UMAD1: variants seen among roughly 807,000 people sequenced by gnomAD.
The protein encoded by UMAD1 is UBAP1-MVB12-associated (UMA)-domain containing protein 1.
In UMAD1, 8 loss-of-function variants were observed where a neutral mutation model predicts 6.1. That is an observed-to-expected ratio of 1.30 (90% CI 0.76 to 2.35). The LOEUF (loss-of-function observed/expected upper bound fraction) is 2.35, where lower values mean the gene tolerates loss of function less well. Ranked by LOEUF, UMAD1 falls within the 30% of genes most tolerant of loss-of-function variation. UMAD1 has a pLI of 0.00. For missense variants in UMAD1, 130 were observed against 78.4 expected, an observed-to-expected ratio of 1.66 and a Z score of -2.49; for synonymous variants, 56 against 31.4, an observed-to-expected ratio of 1.78 and a Z score of -2.61.
At chr7:7,867,454 A>G (rs566028409) in intron 3 of UMAD1, among the ~76,000 whole-genome samples, 56 of 152,330 alleles carry the variant, frequency 3.7e-4, no homozygotes, top group Non-Finnish European at 7.6e-4. Flanking sequence ...ATAGACAAAA[A>G]GAATAAGCAG....
chr7:7,680,943 T>C (rs1260385833), intron 2 of UMAD1, among the ~76,000 whole-genome samples: 3 of 152,182 alleles, frequency 2.0e-5, no homozygotes, highest in Non-Finnish European at 4.4e-5. Context: ...GTTTTTTTAG[T>C]TGCATACACA....
chr7:7,833,947 A>G (rs1171706112), intron 3 of UMAD1, among the ~76,000 whole-genome samples: 1 of 150,976 alleles, frequency 6.6e-6, no homozygotes, highest in African/African-American at 2.4e-5. Context: ...TGGGTAACCT[A>G]TCATGTCATC....
At chr7:7,658,990 A>T (rs1785410649) in intron 1 of UMAD1, among the ~76,000 whole-genome samples, 1 of 152,092 alleles carries the variant, frequency 6.6e-6, no homozygotes, top group African/African-American at 2.4e-5. Context: ...AGAACTTGTT[A>T]TTGGTCTATT....
In UMAD1 at chr7:7,758,559, A is replaced by G. The variant is rs372843763; in HGVS notation, c.83-43111A>G. Among the ~76,000 whole-genome samples, 5 of 152,098 alleles carry G rather than the reference A, an allele frequency of 3.3e-5. 1 individual carries two copies. In the East Asian group the frequency reaches 7.7e-4, roughly 23 times the overall value. ...AGCTGCCTCTGCACCTTCAGCCTCC[A>G]TTGAAGAAGCCATTCATTCCCATGC... is the stretch of plus-strand genomic sequence containing the variant. On this transcript the variant is annotated intron_variant, in intron 2 of 3. Coordinates refer to ENST00000682710, the MANE Select transcript of UMAD1 (RefSeq NM_001302348.2).
At chr7:7,742,309 C>T (rs1040510030) in intron 2 of UMAD1, 11 of 634,664 alleles carry the variant, frequency 1.7e-5, no homozygotes, top group Non-Finnish European at 3.3e-5. Flanking sequence ...ACTCAGTGGT[C>T]AGCGGAAATT....
chr7:7,748,249 GTT>G (rs1781612818), intron 2 of UMAD1, among the ~76,000 whole-genome samples: 1 of 151,654 alleles, frequency 6.6e-6, no homozygotes, highest in South Asian at 2.1e-4. Flanking sequence ...CGGCCTATAT[GTT>G]TTATTTTATA....
At chr7:7,839,388 A>G (rs1429023214) in intron 3 of UMAD1, among the ~76,000 whole-genome samples, 1 of 152,192 alleles carries the variant, frequency 6.6e-6, no homozygotes, top group African/African-American at 2.4e-5. Flanking sequence ...TTTAAAAAAA[A>G]ATTATTTGTA....
intron 2 of UMAD1, among the ~76,000 whole-genome samples, 159 bp downstream of exon 2, chr7:7,673,612 C>T (rs1260750507): frequency 1.3e-5 from 2 of 152,064 alleles, no homozygotes; most frequent in Non-Finnish European, 2.9e-5. Context: ...TGAAAGTCAT[C>T]AATTACTTGG....
chr7:7,679,729 T>TAC (rs1175127328), intron 2 of UMAD1, among the ~76,000 whole-genome samples: 47 of 143,018 alleles, frequency 3.3e-4, no homozygotes, highest in Non-Finnish European at 4.8e-4. Flanking sequence ...TATATATATA[T>TAC]ATACACACAC....
chr7:7,856,664 C>T (rs751077950), intron 3 of UMAD1, among the ~76,000 whole-genome samples: 1 of 152,000 alleles, frequency 6.6e-6, no homozygotes, highest in Non-Finnish European at 1.5e-5. Flanking sequence ...TTGAGTTGAC[C>T]GTATGAGATG....
intron 2 of UMAD1, among the ~76,000 whole-genome samples, chr7:7,739,796 G>A (rs1051428223): frequency 2.0e-5 from 3 of 152,226 alleles, no homozygotes; most frequent in African/African-American, 7.2e-5. Context: ...ACAGATTCAT[G>A]AAGAGTAGAA....
chr7:7,780,828 A>C (rs13230742), intron 2 of UMAD1, among the ~76,000 whole-genome samples: 79,078 of 152,026 alleles, frequency 0.52, 20,649 homozygotes, highest in African/African-American at 0.58. Context: ...ATATGATATT[A>C]TATTGTGTGT....
Position 7,726,397 on chromosome 7 carries a change from A to T in UMAD1, c.82+52944A>T, listed in dbSNP as rs528681410. On this transcript the variant is annotated intron_variant, in intron 2 of 3. Coordinates refer to ENST00000682710, the MANE Select transcript of UMAD1 (RefSeq NM_001302348.2). ...CACTGGTCTTACCATGTTCCCCATC[A>T]TCCTGAAGTAGCTGGATTGATAGAA... Among the ~76,000 whole-genome samples the T allele has an allele frequency of 3.3e-5, 5 of 152,362 alleles. No individual in the cohort carries two copies. In the East Asian group the frequency reaches 9.6e-4, roughly 29 times the overall value.
intron 3 of UMAD1, among the ~76,000 whole-genome samples, chr7:7,833,858 A>C (rs994440068): frequency 6.6e-6 from 1 of 152,102 alleles, no homozygotes; most frequent in Non-Finnish European, 1.5e-5. Flanking sequence ...CCAGAGAGGA[A>C]CAGTATTCTC....
intron 1 of UMAD1, among the ~76,000 whole-genome samples, chr7:7,649,176 A>G (rs950896512): frequency 5.5e-5 from 1 of 18,184 alleles, no homozygotes; most frequent in Non-Finnish European, 9.0e-5. Context: ...AAAAAAAAAA[A>G]AAAGAAAAGA....
intron 2 of UMAD1, among the ~76,000 whole-genome samples, chr7:7,793,660 C>T (rs905820974): frequency 6.6e-6 from 1 of 152,004 alleles, no homozygotes; most frequent in Non-Finnish European, 1.5e-5. Flanking sequence ...TGCTAGTCTG[C>T]CCCAAATGCA....
intron 3 of UMAD1, among the ~76,000 whole-genome samples, chr7:7,876,442 G>A (rs925989293): frequency 6.6e-6 from 1 of 152,144 alleles, no homozygotes; most frequent in African/African-American, 2.4e-5. Flanking sequence ...TTTTTGCCCA[G>A]GCTGGTTTGA....
chr7:7,865,680 C>T (rs1413368581), intron 3 of UMAD1, among the ~76,000 whole-genome samples: 4 of 152,204 alleles, frequency 2.6e-5, no homozygotes, highest in Admixed American at 6.5e-5. Flanking sequence ...GTCCTGCCAC[C>T]CTGTTGCTGT....
chr7:7,846,104 T>C (rs1390819093), intron 3 of UMAD1, among the ~76,000 whole-genome samples: 1 of 152,186 alleles, frequency 6.6e-6, no homozygotes, highest in African/African-American at 2.4e-5. Context: ...ATGTATGAAC[T>C]GTGACCTTGG....
Sources: allele counts gnomAD v4.1 joint callset (sites outside exome capture counted in the v4.1 genomes callset), GRCh38; gene constraint gnomAD v4.1.1; transcripts MANE v1.5; gene names NCBI Gene and HGNC (gene_info 2026-07-23, HGNC 2026-07-21).